The following CDK12 variants were observed in gnomAD, a reference collection of about 807,000 sequenced individuals.
The protein encoded by CDK12 is cyclin-dependent kinase 12.
Under a neutral mutation model 133.8 loss-of-function variants are expected in CDK12, and 17 were observed. That is an observed-to-expected ratio of 0.13 (90% CI 0.09 to 0.19). CDK12 has a LOEUF of 0.19. CDK12 is among the 10% of genes least tolerant of loss of function. The pLI is 1.00. For missense variants in CDK12, 1,508 were observed against 1,818.7 expected (o/e 0.83, Z 3.11); for synonymous variants, 694 against 683.6 (o/e 1.02, Z -0.24).
Position 39,560,752 on chromosome 17 carries a change from G to A in CDK12, n.485-4008G>A, listed in dbSNP as rs144857134. On this transcript the variant is annotated intron_variant and non_coding_transcript_variant, in intron 3 of 3. Coordinates refer to the CDK12 transcript ENST00000558240. ...GCACAGGCCATGTGGGGTGGCTCAT[G>A]CCTGTAATCCCAGCACTTTGAGAGG... 9.0e-3 allele frequency among the ~76,000 whole-genome samples: 1,375 copies of A among 152,290 alleles called. 18 individuals are homozygous for A. Among genetic ancestry groups the A allele is most frequent in the African/African-American group, 0.031 (1,298 of 41,546 alleles).
intron 11 of CDK12, among the ~76,000 whole-genome samples, chr17:39,522,782 G>A (rs1204056212): frequency 1.3e-5 from 2 of 152,084 alleles, no homozygotes; most frequent in Non-Finnish European, 2.9e-5. Flanking sequence ...GTCGAGCGCG[G>A]TCGCTCACAC....
In CDK12 at chr17:39,552,268, A is replaced by C. The variant is rs532253657; in HGVS notation, n.356+1126A>C. Among the ~76,000 whole-genome samples the C allele has an allele frequency of 2.0e-5, 3 of 152,346 alleles. No individual in the cohort carries two copies. The East Asian group carries it at 5.8e-4, about 29-fold the overall frequency. ...TACTTCTAAGGGCCCCAGGGGTGTCAGCAGGGGAGGAAGGCTGTGCCAAGG... is the reference window on the plus strand; with the variant it reads ...TACTTCTAAGGGCCCCAGGGGTGTCCGCAGGGGAGGAAGGCTGTGCCAAGG... On this transcript the variant is annotated intron_variant and non_coding_transcript_variant, in intron 2 of 3. Coordinates refer to the CDK12 transcript ENST00000558240.
At chr17:39,537,271 C>T (rs907931691), downstream of CDK12, among the ~76,000 whole-genome samples, 1 of 152,158 alleles carries the variant, frequency 6.6e-6, no homozygotes, top group Admixed American at 6.5e-5. Flanking sequence ...TGACCCTCCT[C>T]ACCAAGGCTA....
upstream of CDK12, chr17:39,544,242 T>C (rs772076978): frequency 8.3e-6 from 4 of 484,796 alleles, no homozygotes; most frequent in South Asian, 6.2e-5. Flanking sequence ...GCCATTTTCC[T>C]TTACAGGTAG....
chr17:39,530,738 G>T lies in CDK12; in HGVS notation c.3895G>T (p.Ala1299Ser), dbSNP rs551991612. 1 of 1,613,886 alleles carries T rather than the reference G, an allele frequency of 6.2e-7. No homozygotes were observed. The highest frequency in any genetic ancestry group is 1.3e-5 in the African/African-American group (1 of 74,936). ...CCAGGAGTTGAACCCAGCCGTGACA[G>T]CCGCCTTGCTGCAACTTTTATCCCA... Reference protein sequence around the residue: ...APQELNPAVTAALLQLLSQPE... With the variant: ...APQELNPAVTSALLQLLSQPE... Residue 1299 changes from alanine to serine, a missense_variant, in exon 14 of 14, where the codon GCC (alanine) becomes TCC (serine). Transcript: ENST00000447079.
rs766560938 is a variant in CDK12, at chr17:39,530,916, C to G, written c.4073C>G (p.Ser1358Cys). The G allele has an allele frequency of 1.9e-5, 31 of 1,614,220 alleles. No homozygotes were observed. The highest frequency in any genetic ancestry group is 2.5e-5 in the Non-Finnish European group (29 of 1,180,048). ...FSAIDTDERN[S>C]GPALTESLVQ... ...GCCATTGACACTGATGAACGAAACT[C>G]TGGTCCAGCCTTGACAGAATCCTTG... Residue 1358 changes from serine (S) to cysteine (C), a missense_variant, in exon 14 of 14, where the codon TCT becomes TGT. Ser to Cys is a moderately radical substitution (Grantham distance 112, BLOSUM62 -1). Coordinates refer to ENST00000447079, the MANE Select transcript of CDK12 (RefSeq NM_016507.4).
chr17:39,550,976 CAAA>C (rs59717653), intron 1 of CDK12: 26 of 112,710 alleles, frequency 2.3e-4, no homozygotes, highest in Admixed American at 4.4e-4. Flanking sequence ...GACTCTGTCT[CAAA>C]AAAAAAAAAA....
upstream of CDK12, chr17:39,546,351 T>C (rs1198836977): frequency 6.7e-6 from 1 of 148,984 alleles, no homozygotes; most frequent in African/African-American, 2.5e-5. Context: ...TGGCTAATTT[T>C]TTTTTGTATT....
chr17:39,564,375 C>T (rs1379523270), intron 3 of CDK12, among the ~76,000 whole-genome samples: 1 of 152,158 alleles, frequency 6.6e-6, no homozygotes, highest in African/African-American at 2.4e-5. Flanking sequence ...GCTATGGAAA[C>T]CAGGTTCCCT....
chr17:39,476,708 T>G (rs569966120), intron 2 of CDK12, among the ~76,000 whole-genome samples: 40 of 135,400 alleles, frequency 3.0e-4, no homozygotes, highest in Middle Eastern at 3.7e-3. Flanking sequence ...CCACCATGCC[T>G]GCCTTTTTTT....
At chr17:39,551,222 TC>T (rs1285212450) in intron 2 of CDK12, 4 of 152,208 alleles carry the variant, frequency 2.6e-5, no homozygotes, top group Non-Finnish European at 5.9e-5. Context: ...GTCTCAAGTT[TC>T]TATCCCCTGT....
chr17:39,501,134 A>G (rs2052690344), intron 5 of CDK12, 116 bp from the exon 6 acceptor site: 2 of 629,686 alleles, frequency 3.2e-6, no homozygotes, highest in South Asian at 2.6e-5. Flanking sequence ...GTAAAATTCA[A>G]GGGTTTTTTC....
chr17:39,543,356 T>A (rs142792425), upstream of CDK12, among the ~76,000 whole-genome samples: 1 of 152,300 alleles, frequency 6.6e-6, no homozygotes, highest in African/African-American at 2.4e-5. Context: ...GTCATCTCAG[T>A]CTGGTGCCAA....
intron 12 of CDK12, among the ~76,000 whole-genome samples, chr17:39,525,560 ATCTC>A (rs2054446046): frequency 1.3e-5 from 2 of 152,294 alleles, no homozygotes; most frequent in South Asian, 2.1e-4. Context: ...AGATTTTTAA[ATCTC>A]TCTTAGTAAT....
intron 11 of CDK12, among the ~76,000 whole-genome samples, chr17:39,524,381 C>T (rs1041158507): frequency 6.6e-6 from 1 of 152,094 alleles, no homozygotes; most frequent in Non-Finnish European, 1.5e-5. Flanking sequence ...GTTGTTATGC[C>T]AAGGAAAGAC....
At chr17:39,520,626 G>A (rs1397507565) in intron 11 of CDK12, among the ~76,000 whole-genome samples, 1 of 152,052 alleles carries the variant, frequency 6.6e-6, no homozygotes, top group Non-Finnish European at 1.5e-5. Flanking sequence ...CCTGACCTCA[G>A]GTGACCCACC....
chr17:39,463,568 C>T (rs2049093844), intron 1 of CDK12, among the ~76,000 whole-genome samples: 1 of 152,020 alleles, frequency 6.6e-6, no homozygotes, highest in Non-Finnish European at 1.5e-5. Flanking sequence ...TTTGTGTTGT[C>T]CACTGAATCC....
intron 3 of CDK12, among the ~76,000 whole-genome samples, chr17:39,559,576 A>G (rs1458026693): frequency 6.6e-6 from 1 of 152,200 alleles, no homozygotes; most frequent in Non-Finnish European, 1.5e-5. Context: ...AATGTAGTAC[A>G]TAACTTTTTA....
rs1385997494 is a variant in CDK12, at chr17:39,471,096, G to A, written c.1264G>A (p.Gly422Ser). 3.7e-6 allele frequency: 6 copies of A among 1,610,892 alleles called. No individual in the cohort carries two copies. The highest frequency in any genetic ancestry group is 5.1e-6 in the Non-Finnish European group (6 of 1,179,152). ...AAKMDGKESK[G>S]SPVFLPRKEN... ...AAAGATGGATGGAAAGGAGTCCAAG[G>A]GTTCACCTGTATTTTTGCCTAGAAA... The change falls in exon 2 of 14, where the codon GGT becomes AGT. Residue 422 changes from glycine (G) to serine (S), a missense_variant. Coordinates refer to ENST00000447079, the MANE Select transcript of CDK12 (RefSeq NM_016507.4).
Sources: gnomAD v4.1 joint callset for allele counts (sites outside exome capture counted in the v4.1 genomes callset) on GRCh38, gnomAD v4.1.1 for gene constraint, MANE v1.5 for transcripts, NCBI Gene and HGNC (gene_info 2026-07-23, HGNC 2026-07-21) for gene names.